METTL24: variants seen among roughly 807,000 people sequenced by gnomAD.
METTL24 encodes the protein methyltransferase like 24, also known as probable methyltransferase-like protein 24.
A neutral mutation model predicts 32.7 loss-of-function variants in METTL24; 29 were observed. The observed-to-expected ratio is 0.89, with a 90% CI of 0.66 to 1.21. The LOEUF is 1.21. Among genes scored for constraint, METTL24 ranks in the 50% most tolerant of loss-of-function variants. The pLI is 0.00. For missense variants in METTL24, 439 were observed against 468.1 expected (o/e 0.94, Z 0.57); for synonymous variants, 163 against 179.5 (o/e 0.91, Z 0.73).
chr6:110,300,550 A>G (rs2114733241), intron 3 of METTL24, among the ~76,000 whole-genome samples: 1 of 151,952 alleles, frequency 6.6e-6, no homozygotes, highest in Admixed American at 6.6e-5. Flanking sequence ...CCTCCCAAGT[A>G]GCTGGGATTA....
intron 1 of METTL24, among the ~76,000 whole-genome samples, chr6:110,338,400 A>G (rs1772283352): frequency 6.6e-6 from 1 of 152,186 alleles, no homozygotes; most frequent in African/African-American, 2.4e-5. Context: ...CAGGAAGCTG[A>G]GGCAGGAGAA....
chr6:110,275,688 C>A (rs1771035376), intron 4 of METTL24, among the ~76,000 whole-genome samples: 1 of 152,132 alleles, frequency 6.6e-6, no homozygotes, highest in South Asian at 2.1e-4. Context: ...GACAGGAGGC[C>A]TTCAAAAAGT....
At chr6:110,246,832 A>G (rs1778173927) in intron 4 of METTL24, among the ~76,000 whole-genome samples, 1 of 152,008 alleles carries the variant, frequency 6.6e-6, no homozygotes, top group Non-Finnish European at 1.5e-5. Flanking sequence ...CCCAACCCCA[A>G]CTTCATCGAG....
At chr6:110,302,488 CAT>C (rs1491237497) in intron 3 of METTL24, among the ~76,000 whole-genome samples, 3 of 103,600 alleles carry the variant, frequency 2.9e-5, no homozygotes, top group South Asian at 2.9e-4. Context: ...CATATACACA[CAT>C]ATGTGTATAT....
At chr6:110,266,375 G>A (rs1770858251) in intron 4 of METTL24, among the ~76,000 whole-genome samples, 1 of 151,886 alleles carries the variant, frequency 6.6e-6, no homozygotes, top group South Asian at 2.1e-4. Context: ...AGTGGTTAGT[G>A]GATGTGCGAT....
intron 1 of METTL24, among the ~76,000 whole-genome samples, chr6:110,342,914 C>T (rs1277972985): frequency 1.3e-5 from 2 of 152,224 alleles, no homozygotes; most frequent in African/African-American, 4.8e-5. Flanking sequence ...TAAGTTTCCC[C>T]TGTATGGGTA....
chr6:110,249,266 A>G (rs1409064505), intron 4 of METTL24, among the ~76,000 whole-genome samples: 1 of 152,058 alleles, frequency 6.6e-6, no homozygotes, highest in Non-Finnish European at 1.5e-5. Context: ...CATAGTAAAC[A>G]TAGGCTTTCT....
chr6:110,328,608 G>A (rs1380614946), intron 1 of METTL24, among the ~76,000 whole-genome samples: 2 of 151,700 alleles, frequency 1.3e-5, no homozygotes, highest in African/African-American at 4.8e-5. Flanking sequence ...TTTGTTTCTT[G>A]AAAAAAAGAA....
intron 4 of METTL24, among the ~76,000 whole-genome samples, chr6:110,263,174 T>G (rs1374083315): frequency 6.6e-6 from 1 of 152,060 alleles, no homozygotes; most frequent in South Asian, 2.1e-4. Context: ...AAGGGGAAGT[T>G]AAATTGTCCC....
At chr6:110,250,576 C>T (rs978077126) in intron 4 of METTL24, among the ~76,000 whole-genome samples, 30 of 150,194 alleles carry the variant, frequency 2.0e-4, no homozygotes, top group Non-Finnish European at 3.6e-4. Context: ...GTAGCTTTTG[C>T]AATAGGGCTT....
At chr6:110,319,286 G>C (rs1355835177) in intron 2 of METTL24, among the ~76,000 whole-genome samples, 1 of 152,088 alleles carries the variant, frequency 6.6e-6, no homozygotes, top group East Asian at 1.9e-4. Context: ...GTGTGTGTGT[G>C]TGTGTGTGTA....
At chr6:110,323,016 G>A (rs1231318666) in intron 1 of METTL24, 144 bp from the exon 2 acceptor site, 1 of 570,136 alleles carries the variant, frequency 1.8e-6, no homozygotes, top group African/African-American at 1.9e-5. Context: ...GAGGCTCTTT[G>A]CGAGCTGCTG....
At chr6:110,262,638 T>C (rs1433453633) in intron 4 of METTL24, among the ~76,000 whole-genome samples, 1 of 152,186 alleles carries the variant, frequency 6.6e-6, no homozygotes, top group Non-Finnish European at 1.5e-5. Flanking sequence ...ATCATCCTGA[T>C]ACCAAAGCCT....
At chr6:110,325,566 T>C (rs1273760199) in intron 1 of METTL24, among the ~76,000 whole-genome samples, 1 of 152,156 alleles carries the variant, frequency 6.6e-6, no homozygotes, top group East Asian at 1.9e-4. Context: ...TATGATGTTG[T>C]TGGGGCTCAG....
intron 1 of METTL24, 135 bp downstream of exon 1, chr6:110,357,820 C>T (rs1442470245): frequency 2.0e-5 from 6 of 304,300 alleles, no homozygotes; most frequent in Non-Finnish European, 3.2e-5. Flanking sequence ...TAAGAGAGCA[C>T]AGGGGGAAGA....
intron 1 of METTL24, among the ~76,000 whole-genome samples, chr6:110,350,589 T>G (rs7773179): frequency 0.043 from 6,534 of 151,382 alleles, 480 homozygotes; most frequent in African/African-American, 0.15. Flanking sequence ...CCCTAATTGG[T>G]ATCATGGGCT....
intron 1 of METTL24, among the ~76,000 whole-genome samples, chr6:110,324,945 C>T (rs750588035): frequency 5.3e-5 from 8 of 152,162 alleles, no homozygotes; most frequent in East Asian, 1.9e-4. Flanking sequence ...AAAATAACTT[C>T]GATAGTAAAA....
At chr6:110,356,220 G>T (rs1772694194) in intron 1 of METTL24, among the ~76,000 whole-genome samples, 1 of 152,090 alleles carries the variant, frequency 6.6e-6, no homozygotes, top group African/African-American at 2.4e-5. Flanking sequence ...GAGGCGGGTG[G>T]GTCACTTGAG....
In METTL24 at chr6:110,245,868, G is replaced by A. The variant is rs1217712038; in HGVS notation, c.*78C>T. 1 of 1,393,418 alleles carries A rather than the reference G, an allele frequency of 7.2e-7. No individual in the cohort carries two copies. The highest frequency in any genetic ancestry group is 1.4e-5 in the African/African-American group (1 of 70,170). 86.3% of individuals were successfully genotyped at this position (1,393,418 alleles called of 1,614,324 possible). ...GGCACAGGCTAGCAGGAGACTGGAT[G>A]AGTAAACTCATGATTAGAATTATGG... On this transcript the variant is annotated 3_prime_UTR_variant, in exon 5 of 5. Transcript: ENST00000338882.
Sources: allele counts gnomAD v4.1 joint callset (sites outside exome capture counted in the v4.1 genomes callset), GRCh38; gene constraint gnomAD v4.1.1; transcripts MANE v1.5; gene names NCBI Gene and HGNC (gene_info 2026-07-23, HGNC 2026-07-21).